The following GRIK4 variants were observed in gnomAD, a reference collection of about 807,000 sequenced individuals.
GRIK4 encodes glutamate ionotropic receptor kainate type subunit 4, also known as glutamate receptor ionotropic, kainate 4.
GRIK4 carries 40 observed loss-of-function variants against 104.9 expected under a neutral mutation model. That is an observed-to-expected ratio of 0.38 (90% CI 0.30 to 0.50). The LOEUF (loss-of-function observed/expected upper bound fraction) is 0.50, where lower values mean the gene tolerates loss of function less well. Ranked by LOEUF, GRIK4 falls within the 20% of genes least tolerant of loss-of-function variation. The pLI, the probability that GRIK4 is intolerant of heterozygous loss-of-function variation, is 0.93. For missense variants in GRIK4, 1,047 were observed against 1,308.1 expected (o/e 0.80, Z 3.08); for synonymous variants, 485 against 524.9 (o/e 0.92, Z 1.04).
At chr11:120,842,081 T>C (rs946902031) in intron 8 of GRIK4, among the ~76,000 whole-genome samples, 2 of 152,186 alleles carry the variant, frequency 1.3e-5, no homozygotes, top group African/African-American at 4.8e-5. Flanking sequence ...AAAATCTTGG[T>C]AAGATTTAAA....
chr11:120,726,225 T>C (rs147372531), intron 3 of GRIK4, among the ~76,000 whole-genome samples: 1 of 152,224 alleles, frequency 6.6e-6, no homozygotes, highest in Non-Finnish European at 1.5e-5. Flanking sequence ...ATGGTCACAA[T>C]TATGTAGGGT....
chr11:120,741,888 G>A (rs1951339771), intron 3 of GRIK4, among the ~76,000 whole-genome samples: 1 of 152,162 alleles, frequency 6.6e-6, no homozygotes, highest in Non-Finnish European at 1.5e-5. Context: ...CTGCCCTGGG[G>A]GAATTCTCTG....
intron 3 of GRIK4, among the ~76,000 whole-genome samples, chr11:120,802,204 A>G (rs1198355172): frequency 6.6e-6 from 1 of 152,218 alleles, no homozygotes; most frequent in Admixed American, 6.5e-5. Flanking sequence ...GGGAGCCAGC[A>G]TTCAGCAGTG....
intron 11 of GRIK4, among the ~76,000 whole-genome samples, chr11:120,897,948 T>C (rs1942631502): frequency 6.6e-6 from 1 of 152,050 alleles, no homozygotes; most frequent in Non-Finnish European, 1.5e-5. Flanking sequence ...ACAAGCATTA[T>C]CATCCCCATT....
chr11:120,874,187 A>G lies in GRIK4; in HGVS notation c.1028A>G (p.His343Arg). The G allele has an allele frequency of 1.9e-6, 3 of 1,613,222 alleles. No homozygotes were observed. The Middle Eastern group carries it at 4.9e-4, about 266-fold the overall frequency. The change falls in exon 10 of 21, where the codon CAC becomes CGC. Residue 343 changes from histidine to arginine, a missense_variant. Coordinates refer to ENST00000527524, the MANE Select transcript of GRIK4 (RefSeq NM_014619.5). ...TGCGGCTCGGCCCAGATCTGGCAGC[A>G]CGGCACCAGCCTCATGAACTACCTG... is the stretch of plus-strand genomic sequence containing the variant. ...LSCGSAQIWQHGTSLMNYLRM... is the reference protein window; with the variant it reads ...LSCGSAQIWQRGTSLMNYLRM...
intron 19 of GRIK4, among the ~76,000 whole-genome samples, chr11:120,974,272 T>A (rs192984211): frequency 6.6e-6 from 1 of 152,340 alleles, no homozygotes; most frequent in African/African-American, 2.4e-5. Flanking sequence ...TGTCTCAGAC[T>A]GAACAGAGGG....
At chr11:120,798,119 A>ACG (rs2135504773) in intron 3 of GRIK4, among the ~76,000 whole-genome samples, 2 of 147,468 alleles carry the variant, frequency 1.4e-5, no homozygotes, top group Non-Finnish European at 3.0e-5. Flanking sequence ...TTCTATCCTC[A>ACG]CGTGGCGGAG....
intron 12 of GRIK4, among the ~76,000 whole-genome samples, chr11:120,899,418 C>CA (rs57401981): frequency 0.055 from 3,947 of 71,396 alleles, 142 homozygotes; most frequent in African/African-American, 0.1. Flanking sequence ...GAGACTGTCT[C>CA]AAAAAAAAAA....
chr11:120,726,933 A>G (rs1186380998), intron 3 of GRIK4, among the ~76,000 whole-genome samples: 1 of 152,220 alleles, frequency 6.6e-6, no homozygotes, highest in Non-Finnish European at 1.5e-5. Context: ...TGACGGGAGT[A>G]TTTCCATGAA....
chr11:120,755,530 C>G (rs1363098011), intron 3 of GRIK4, among the ~76,000 whole-genome samples: 33 of 151,842 alleles, frequency 2.2e-4, no homozygotes, highest in Non-Finnish European at 1.0e-4. Flanking sequence ...ATCACTTGAG[C>G]CTGGGAGGCT....
At chr11:120,663,588 T>C (rs1331320842) in intron 3 of GRIK4, among the ~76,000 whole-genome samples, 4 of 152,250 alleles carry the variant, frequency 2.6e-5, no homozygotes, top group Non-Finnish European at 5.9e-5. Context: ...ACTCATTAAG[T>C]ATTTGTTAAC....
intron 1 of GRIK4, among the ~76,000 whole-genome samples, chr11:120,624,775 C>T (rs1405596968): frequency 6.6e-6 from 1 of 152,156 alleles, no homozygotes; most frequent in African/African-American, 2.4e-5. Flanking sequence ...CCCACCTCAC[C>T]TTCTGCCCTT....
At chr11:120,936,994 C>A (rs1184294802) in intron 13 of GRIK4, among the ~76,000 whole-genome samples, 1 of 152,120 alleles carries the variant, frequency 6.6e-6, no homozygotes, top group Non-Finnish European at 1.5e-5. Flanking sequence ...GGTTTCATGG[C>A]ACATTATCTC....
intron 6 of GRIK4, among the ~76,000 whole-genome samples, chr11:120,827,381 G>A (rs962058535): frequency 3.9e-5 from 6 of 152,056 alleles, no homozygotes; most frequent in Non-Finnish European, 7.4e-5. Context: ...GATCCGTCCC[G>A]CTGCATCCTG....
intron 3 of GRIK4, among the ~76,000 whole-genome samples, chr11:120,753,310 T>A (rs1951590553): frequency 9.6e-6 from 1 of 104,666 alleles, no homozygotes; most frequent in Non-Finnish European, 2.2e-5. Flanking sequence ...TGTGTGTGTG[T>A]GTGTGTGTGT....
At chr11:120,731,210 T>C (rs964453196) in intron 3 of GRIK4, among the ~76,000 whole-genome samples, 1 of 152,140 alleles carries the variant, frequency 6.6e-6, no homozygotes, top group African/African-American at 2.4e-5. Context: ...CTGTCATGTA[T>C]GGCTTTTACT....
chr11:120,797,970 A>C (rs1053652180), intron 3 of GRIK4, among the ~76,000 whole-genome samples: 3 of 152,124 alleles, frequency 2.0e-5, no homozygotes, highest in Admixed American at 6.5e-5. Context: ...AGGCTGCCAT[A>C]GCAAAATACC....
intron 3 of GRIK4, among the ~76,000 whole-genome samples, chr11:120,742,247 G>A (rs1230038742): frequency 6.6e-6 from 1 of 151,692 alleles, no homozygotes; most frequent in Non-Finnish European, 1.5e-5. Context: ...TTGGGAGGCT[G>A]AGGCATGAGA....
intron 8 of GRIK4, among the ~76,000 whole-genome samples, chr11:120,857,589 T>TA (rs1217118880): frequency 3.1e-4 from 47 of 150,930 alleles, no homozygotes; most frequent in Non-Finnish European, 3.1e-4. Flanking sequence ...TGTCAGGATT[T>TA]AAAAAAAAAA....
Sources: gnomAD v4.1 joint callset for allele counts (sites outside exome capture counted in the v4.1 genomes callset) on GRCh38, gnomAD v4.1.1 for gene constraint, MANE v1.5 for transcripts, NCBI Gene and HGNC (gene_info 2026-07-23, HGNC 2026-07-21) for gene names.